The following CDC23 variants were observed in gnomAD, a reference collection of about 807,000 sequenced individuals.
The protein encoded by CDC23 is cell division cycle protein 23 homolog.
In CDC23, 26 loss-of-function variants were observed where a neutral mutation model predicts 81.7. The ratio of observed to expected loss-of-function variants is 0.32; its 90% CI spans 0.23 to 0.44. The LOEUF is 0.44. Ranked by LOEUF, CDC23 falls within the 20% of genes least tolerant of loss-of-function variation. The pLI, the probability that CDC23 is intolerant of heterozygous loss-of-function variation, is 1.00. For missense variants in CDC23, 519 were observed against 728.0 expected, an observed-to-expected ratio of 0.71 and a Z score of 3.30; for synonymous variants, 267 against 270.8, an observed-to-expected ratio of 0.99 and a Z score of 0.14.
chr5:138,202,892 T>C (rs975743032), intron 3 of CDC23, among the ~76,000 whole-genome samples: 1 of 152,184 alleles, frequency 6.6e-6, no homozygotes, highest in Non-Finnish European at 1.5e-5. Context: ...AAAATTTGTA[T>C]GAGGAGCAAG....
chr5:138,198,570 G>A (rs757516850), intron 7 of CDC23, 35 bp downstream of exon 7: 1 of 1,612,276 alleles, frequency 6.2e-7, no homozygotes, highest in Non-Finnish European at 8.5e-7. Flanking sequence ...CACCTGTCAG[G>A]GTCTGATAGT....
At chr5:138,200,774 C>T (rs930811063) in intron 6 of CDC23, among the ~76,000 whole-genome samples, 2 of 152,098 alleles carry the variant, frequency 1.3e-5, no homozygotes, top group African/African-American at 2.4e-5. Context: ...GAGCCAAGAT[C>T]GCACCACTGC....
chr5:138,190,466 GAA>G (rs79994187), intron 13 of CDC23, among the ~76,000 whole-genome samples: 4 of 61,876 alleles, frequency 6.5e-5, no homozygotes, highest in East Asian at 9.5e-4. Flanking sequence ...TCCAAAAAAA[GAA>G]AAAAAAAAAA....
At chr5:138,212,944 C>T (rs1755130722) in intron 2 of CDC23, 47 bp downstream of exon 2, 2 of 1,541,486 alleles carry the variant, frequency 1.3e-6, no homozygotes, top group Admixed American at 1.7e-5. Flanking sequence ...GCTCTTGAGG[C>T]ACACCCCTGG....
intron 9 of CDC23, among the ~76,000 whole-genome samples, chr5:138,195,576 A>G (rs1196679603): frequency 5.1e-5 from 3 of 58,348 alleles, no homozygotes; most frequent in African/African-American, 4.6e-5. Context: ...ATTTATATAT[A>G]ATATATTATA....
chr5:138,201,210 A>G lies in CDC23; in HGVS notation c.551T>C (p.Leu184Ser). 1.2e-6 allele frequency: 2 copies of G among 1,614,240 alleles called. No individual in the cohort carries two copies. Among genetic ancestry groups the G allele is most frequent in the Non-Finnish European group, 1.7e-6 (2 of 1,180,050 alleles). The change falls in exon 6 of 16, where the codon TTG becomes TCG. Residue 184 changes from leucine (L) to serine (S), a missense_variant. By Grantham distance (145) the Leu-to-Ser change is moderately radical. Around this residue, in one of 4 missense-constraint regions of CDC23, gnomAD observed 180 missense variants for 239.3 expected, o/e 0.75. Coordinates refer to ENST00000394886, the MANE Select transcript of CDC23 (RefSeq NM_004661.4). ...AAACACATCAATGGCCTCTTTAACCAAGTCCAGTTTTCGAAGCACCACACC... is the reference window on the plus strand; with the variant it reads ...AAACACATCAATGGCCTCTTTAACCGAGTCCAGTTTTCGAAGCACCACACC... ...LYGVVLRKLD[L>S]VKEAIDVFVE...
rs1389892213 is a variant in CDC23, at chr5:138,213,194, G to A, written c.119C>T (p.Ala40Val). ...REIKKQLLLI[A>V]GLTRERGLLH... ...TAGGCCCCGCTCCCGGGTAAGGCCC[G>A]CAATAAGCAGCAGTTGCTTTTTAAT... The change falls in exon 1 of 16, where the codon GCG (alanine) becomes GTG (valine). Residue 40 changes from alanine (A) to valine (V), a missense_variant. Transcript: ENST00000394886. 1.9e-6 allele frequency: 3 copies of A among 1,614,108 alleles called. No homozygotes were observed. Among genetic ancestry groups the A allele is most frequent in the South Asian group, 1.1e-5 (1 of 91,080 alleles).
In CDC23 at chr5:138,212,993, C is replaced by G. The variant is rs17228304; in HGVS notation, c.232G>C (p.Glu78Gln). The G allele has an allele frequency of 3.9e-5, 63 of 1,613,658 alleles. 1 individual carries two copies. In the East Asian group the frequency reaches 1.3e-3, roughly 34 times the overall value. The part of the protein sequence containing the change: ...AELQPPPPIT[E>Q]EDAQDMDAYT... ...GCTCACTGTAAACATGTCCTTACCT[C>G]TGTAATAGGCGGAGGCGGTTGCAGC... Residue 78 changes from glutamate to glutamine, a missense_variant and splice_region_variant, in exon 2 of 16, where the codon GAG (glutamate) becomes CAG (glutamine). Transcript: ENST00000394886.
At chr5:138,205,320 T>C (rs190164845) in intron 3 of CDC23, among the ~76,000 whole-genome samples, 7 of 152,188 alleles carry the variant, frequency 4.6e-5, no homozygotes, top group African/African-American at 1.4e-4. Flanking sequence ...ATAAGCAAAC[T>C]GTGGTATATA....
Position 138,192,551 on chromosome 5 carries a change from A to G in CDC23, c.1119T>C (p.His373=), listed in dbSNP as rs764918374. ...ACGTGTTCTTCATCTCCATGTACTC[A>G]TGTCCCATTAGTGTCCAGGCACCAA... The part of the protein sequence containing the change: ...RYLGAWTLMG[H]EYMEMKNTSA... The change falls in exon 10 of 16, where the codon CAT becomes CAC. Residue 373 remains histidine (H), a synonymous_variant. Coordinates refer to ENST00000394886, the MANE Select transcript of CDC23 (RefSeq NM_004661.4). 3 of 1,614,058 alleles carry G rather than the reference A, an allele frequency of 1.9e-6. No individual in the cohort carries two copies. Among genetic ancestry groups the G allele is most frequent in the African/African-American group, 2.7e-5 (2 of 74,912 alleles).
intron 9 of CDC23, among the ~76,000 whole-genome samples, chr5:138,193,757 G>A (rs993387555): frequency 6.6e-6 from 1 of 151,942 alleles, no homozygotes; most frequent in Non-Finnish European, 1.5e-5. Flanking sequence ...TCAGGAGTTC[G>A]AGACCAGTCT....
At chr5:138,210,546 T>C (rs1243113457) in intron 2 of CDC23, among the ~76,000 whole-genome samples, 2 of 151,958 alleles carry the variant, frequency 1.3e-5, no homozygotes, top group Non-Finnish European at 2.9e-5. Flanking sequence ...ATAAACAAAA[T>C]AAAGTAAATA....
At chr5:138,204,475 A>T (rs1259762805) in intron 3 of CDC23, among the ~76,000 whole-genome samples, 2 of 150,450 alleles carry the variant, frequency 1.3e-5, no homozygotes, top group Non-Finnish European at 3.0e-5. Flanking sequence ...ACTGCACTCC[A>T]GCCTGGGTGA....
At chr5:138,205,696 GA>G (rs35284930) in intron 3 of CDC23, among the ~76,000 whole-genome samples, 46,993 of 126,892 alleles carry the variant, frequency 0.37, 7,509 homozygotes, top group South Asian at 0.46. Flanking sequence ...TGGTAAATTG[GA>G]AAAAAAAAAA....
intron 9 of CDC23, among the ~76,000 whole-genome samples, chr5:138,196,890 CTTTTTTTTTTTTT>C (rs34002952): frequency 8.8e-6 from 1 of 113,426 alleles, no homozygotes; most frequent in Non-Finnish European, 1.8e-5. Flanking sequence ...TTTTTTTTTC[CTTTTTTTTTTTTT>C]TTTTTTTTTT....
rs1398682715 is a variant in CDC23 at position 138,187,736 on chromosome 5, C to T, written c.*1242G>A. The T allele has an allele frequency of 3.9e-6, 1 of 254,882 alleles. No homozygotes were observed. The highest frequency in any genetic ancestry group is 7.7e-6 in the Non-Finnish European group (1 of 130,690). 15.8% of individuals were successfully genotyped at this position (254,882 alleles called of 1,614,324 possible). ...AGGGACAGAAAAATTAAGAATCAAA[C>T]ATCATTCTGGACCATGGGAACCTTG... On this transcript the variant is annotated 3_prime_UTR_variant, in exon 16 of 16. Transcript: ENST00000394886.
chr5:138,193,333 C>T (rs1220244660), intron 9 of CDC23, among the ~76,000 whole-genome samples: 6 of 152,128 alleles, frequency 3.9e-5, no homozygotes, highest in Admixed American at 6.5e-5. Context: ...TGGTGACTCA[C>T]GCCTGTAATC....
intron 3 of CDC23, among the ~76,000 whole-genome samples, chr5:138,203,820 AGAGAATCGCTT>A (rs1165987234): frequency 1.3e-5 from 2 of 152,084 alleles, no homozygotes; most frequent in Admixed American, 1.3e-4. Context: ...GGCTGAGGCT[AGAGAATCGCTT>A]GAACCTGGGA....
chr5:138,191,759 T>G (rs1301657662), intron 12 of CDC23, 103 bp downstream of exon 12: 3 of 1,019,514 alleles, frequency 2.9e-6, no homozygotes, highest in Non-Finnish European at 3.1e-6. Flanking sequence ...GACTTTCCTA[T>G]GCACCTAGAT....
Sources: gnomAD v4.1 joint callset for allele counts (sites outside exome capture counted in the v4.1 genomes callset) on GRCh38, gnomAD v4.1.1 for gene constraint, gnomAD v4.1.1 regional missense constraint, MANE v1.5 for transcripts, NCBI Gene and HGNC (gene_info 2026-07-23, HGNC 2026-07-21) for gene names.